IQCJ: variants seen among roughly 807,000 people sequenced by gnomAD.
IQCJ encodes IQ domain-containing protein J.
IQCJ carries 9 observed loss-of-function variants against 11.0 expected under a neutral mutation model. The observed-to-expected ratio is 0.82, with a 90% CI of 0.49 to 1.43. IQCJ has a LOEUF of 1.43. Among genes scored for constraint, IQCJ ranks in the 40% most tolerant of loss-of-function variants. The probability of loss-of-function intolerance (pLI) is 0.00; values close to 1 mark genes in which losing one functional copy is unlikely to be tolerated. For missense variants in IQCJ, 146 were observed against 133.2 expected (o/e 1.10, Z -0.47); for synonymous variants, 55 against 51.3 (o/e 1.07, Z -0.31).
At chr3:159,242,569 C>CT (rs35549315) in intron 1 of IQCJ, among the ~76,000 whole-genome samples, 71 of 139,872 alleles carry the variant, frequency 5.1e-4, no homozygotes, top group Middle Eastern at 7.5e-3. Flanking sequence ...CCAGCTGAAT[C>CT]TTTTTTTTTT....
chr3:159,147,706 A>G (rs113625424), intron 1 of IQCJ, among the ~76,000 whole-genome samples: 21 of 152,320 alleles, frequency 1.4e-4, no homozygotes, highest in Middle Eastern at 6.8e-3. Flanking sequence ...TTTTTTATCA[A>G]TCATCTCAGT....
At chr3:159,234,839 C>A (rs1726482823) in intron 1 of IQCJ, among the ~76,000 whole-genome samples, 1 of 152,092 alleles carries the variant, frequency 6.6e-6, no homozygotes, top group Non-Finnish European at 1.5e-5. Context: ...TTCTTCACAA[C>A]ATCACTTAGT....
At chr3:159,179,461 C>T (rs1201952749) in intron 1 of IQCJ, among the ~76,000 whole-genome samples, 1 of 152,050 alleles carries the variant, frequency 6.6e-6, no homozygotes, top group Non-Finnish European at 1.5e-5. Flanking sequence ...GGACTGGTAG[C>T]AATATTGATC....
chr3:159,218,172 GATGAA>G, intron 1 of IQCJ, among the ~76,000 whole-genome samples: 1 of 152,104 alleles, frequency 6.6e-6, no homozygotes, highest in Non-Finnish European at 1.5e-5. Flanking sequence ...TTTTAAATGT[GATGAA>G]ATGAAGTTTT....
At chr3:159,172,198 C>T (rs375529931) in intron 1 of IQCJ, among the ~76,000 whole-genome samples, 39 of 151,942 alleles carry the variant, frequency 2.6e-4, no homozygotes, top group Admixed American at 1.6e-3. Flanking sequence ...TTAAAATGTC[C>T]GTAAGTAGGT....
intron 3 of IQCJ, among the ~76,000 whole-genome samples, chr3:159,260,221 A>G (rs1444795735): frequency 3.3e-5 from 5 of 152,140 alleles, no homozygotes; most frequent in South Asian, 2.1e-4. Context: ...GTTTTGCCCA[A>G]TGTTATTTGG....
chr3:159,242,799 TACTA>T (rs1727012352), intron 1 of IQCJ, among the ~76,000 whole-genome samples: 1 of 151,738 alleles, frequency 6.6e-6, no homozygotes, highest in African/African-American at 2.4e-5. Context: ...ACACAGAAAA[TACTA>T]AATAACAAAA....
chr3:159,173,623 A>AT (rs979920889), intron 1 of IQCJ, among the ~76,000 whole-genome samples: 8 of 152,090 alleles, frequency 5.3e-5, no homozygotes, highest in Non-Finnish European at 1.0e-4. Flanking sequence ...AGAATTCTAG[A>AT]TTTTCCCTTC....
chr3:159,078,052 A>C (rs1420683448), intron 1 of IQCJ, among the ~76,000 whole-genome samples: 2 of 96,664 alleles, frequency 2.1e-5, no homozygotes, highest in Non-Finnish European at 5.7e-5. Context: ...CTTAACATCA[A>C]GTCACAGGAG....
At chr3:159,134,038 C>T (rs569796617) in intron 1 of IQCJ, among the ~76,000 whole-genome samples, 12 of 151,992 alleles carry the variant, frequency 7.9e-5, no homozygotes, top group Middle Eastern at 3.4e-3. Flanking sequence ...TTTTCTTGCA[C>T]TCTTAAAAGC....
rs560458921 is a variant in IQCJ at position 159,167,263 on chromosome 3, G to A, written c.10-78580G>A. 6.3e-4 allele frequency among the ~76,000 whole-genome samples: 96 copies of A among 152,144 alleles called. 2 individuals carry two copies. The South Asian group carries it at 0.019, about 31-fold the overall frequency. On this transcript the variant is annotated intron_variant, in intron 1 of 3. Coordinates refer to ENST00000397832, the MANE Select transcript of IQCJ (RefSeq NM_001042706.3). The stretch of plus-strand genomic sequence containing the variant: ...AGTTTTCATAGTCCTTATCTCATTT[G>A]CCTCCCTATAGCAACACTATTGATA...
chr3:159,156,305 G>A (rs1721518445), intron 1 of IQCJ, among the ~76,000 whole-genome samples: 1 of 152,192 alleles, frequency 6.6e-6, no homozygotes, highest in Non-Finnish European at 1.5e-5. Context: ...GTGTGAAGAA[G>A]CAAGAGATAA....
intron 1 of IQCJ, among the ~76,000 whole-genome samples, chr3:159,211,793 AG>A (rs2108093159): frequency 6.6e-6 from 1 of 152,170 alleles, no homozygotes; most frequent in Non-Finnish European, 1.5e-5. Context: ...CAGTTTTGAA[AG>A]GAATGCTAGA....
intron 1 of IQCJ, among the ~76,000 whole-genome samples, chr3:159,125,323 C>A (rs1719619103): frequency 6.6e-6 from 1 of 152,192 alleles, no homozygotes. Flanking sequence ...GTCTGAGGAA[C>A]TATCATGGCC....
At chr3:159,252,691 G>A (rs765125469) in intron 2 of IQCJ, 36 bp from the exon 3 acceptor site, 9 of 1,585,766 alleles carry the variant, frequency 5.7e-6, no homozygotes, top group South Asian at 4.6e-5. Flanking sequence ...TAACCTTCTG[G>A]ATTGGGAGAT....
chr3:159,193,173 C>T lies in IQCJ; in HGVS notation c.10-52670C>T, dbSNP rs115412644. ...GATACCCTAGTAGACACATGGTCTG[C>T]GGAAAATATCTCTCTCTGCAAACCA... is the stretch of plus-strand genomic sequence containing the variant. On this transcript the variant is annotated intron_variant, in intron 1 of 3. Coordinates refer to ENST00000397832, the MANE Select transcript of IQCJ (RefSeq NM_001042706.3). Among the ~76,000 whole-genome samples, 994 of 152,214 alleles carry T rather than the reference C, an allele frequency of 6.5e-3. 14 individuals are homozygous for T. Among genetic ancestry groups the T allele is most frequent in the African/African-American group, 0.023 (950 of 41,522 alleles).
intron 2 of IQCJ, among the ~76,000 whole-genome samples, chr3:159,252,519 G>A (rs563336797): frequency 1.3e-5 from 2 of 152,106 alleles, no homozygotes; most frequent in East Asian, 3.9e-4. Flanking sequence ...AACAGCAAAA[G>A]GACAACAGAA....
intron 1 of IQCJ, among the ~76,000 whole-genome samples, chr3:159,102,479 G>T (rs1180528453): frequency 6.6e-6 from 1 of 152,092 alleles, no homozygotes; most frequent in African/African-American, 2.4e-5. Flanking sequence ...CATGAATTAG[G>T]CTTCTATTTA....
chr3:159,239,899 T>C lies in IQCJ; in HGVS notation c.10-5944T>C, dbSNP rs541228148. Among the ~76,000 whole-genome samples, 8 of 152,344 alleles carry C rather than the reference T, an allele frequency of 5.3e-5. No individual in the cohort carries two copies. The East Asian group carries it at 1.5e-3, about 29-fold the overall frequency. ...AATAGGCTGTATCACATAGCCCAGGTGTGTAGTAAGCTATACCATCTAGGT... is the reference window on the plus strand; with the variant it reads ...AATAGGCTGTATCACATAGCCCAGGCGTGTAGTAAGCTATACCATCTAGGT... On this transcript the variant is annotated intron_variant, in intron 1 of 3. Transcript: ENST00000397832.
Sources: allele counts gnomAD v4.1 joint callset (sites outside exome capture counted in the v4.1 genomes callset), GRCh38; gene constraint gnomAD v4.1.1; transcripts MANE v1.5; gene names NCBI Gene and HGNC (gene_info 2026-07-23, HGNC 2026-07-21).